Variants in BANP observed in about 807,000 individuals in gnomAD.
The protein encoded by BANP is protein BANP.
BANP carries 11 observed loss-of-function variants against 68.1 expected under a neutral mutation model. The ratio of observed to expected loss-of-function variants is 0.16; its 90% CI spans 0.10 to 0.27. The LOEUF is 0.27. Ranked by LOEUF, BANP falls within the 10% of genes least tolerant of loss-of-function variation. BANP has a pLI of 1.00. For synonymous variants in BANP, 329 were observed against 303.2 expected, an observed-to-expected ratio of 1.09 and a Z score of -0.88; for missense variants, 504 against 722.7, an observed-to-expected ratio of 0.70 and a Z score of 3.47.
upstream of BANP, among the ~76,000 whole-genome samples, chr16:87,950,261 AG>A (rs887661958): frequency 4.6e-5 from 7 of 152,294 alleles, no homozygotes; most frequent in African/African-American, 1.4e-4. Context: ...CAAATAATTG[AG>A]GAAACAGAGG....
intron 4 of BANP, among the ~76,000 whole-genome samples, chr16:87,985,502 TA>T (rs1567666243): frequency 6.6e-6 from 1 of 152,138 alleles, no homozygotes; most frequent in Non-Finnish European, 1.5e-5. Flanking sequence ...CCTTTTTTTT[TA>T]GGATAGTTTT....
At chr16:88,049,333 G>A (rs2082721669) in intron 11 of BANP, among the ~76,000 whole-genome samples, 1 of 152,134 alleles carries the variant, frequency 6.6e-6, no homozygotes, top group African/African-American at 2.4e-5. Flanking sequence ...TACTACATAG[G>A]CTACGGGTGT....
rs200180120 is a variant in BANP, at chr16:88,071,516, A to T, written c.1378-553A>T. The T allele has an allele frequency of 1.4e-4, 64 of 456,406 alleles. No individual in the cohort carries two copies. The highest frequency in any genetic ancestry group is 8.7e-4 in the Admixed American group (37 of 42,572). The allele number at this position is 456,406 out of a possible 1,614,324, so 28.3% of individuals were successfully genotyped here. ...CTGCCACCAGGACTCACTTCCGCCCATCTTGGAACTGGGCCTCACTTTCCT... is the reference window on the plus strand; with the variant it reads ...CTGCCACCAGGACTCACTTCCGCCCTTCTTGGAACTGGGCCTCACTTTCCT... On this transcript the variant is annotated intron_variant, in intron 12 of 13. Coordinates refer to ENST00000682872, the MANE Select transcript of BANP (RefSeq NM_001386991.1). The surrounding 1 kb of genome is among the most constrained non-coding windows in gnomAD (Gnocchi z 6.5).
At chr16:87,983,898 C>G (rs1181001154) in intron 3 of BANP, among the ~76,000 whole-genome samples, 162 bp from the exon 4 acceptor site, 3 of 152,136 alleles carry the variant, frequency 2.0e-5, no homozygotes, top group Non-Finnish European at 2.9e-5. Context: ...ACGTGTTACT[C>G]ACATGTTTCT....
chr16:87,968,730 C>T (rs1219098327), intron 1 of BANP, among the ~76,000 whole-genome samples: 1 of 152,072 alleles, frequency 6.6e-6, no homozygotes, highest in Non-Finnish European at 1.5e-5. Flanking sequence ...TGGAGCAGCT[C>T]CGAAGGCTGA....
chr16:88,045,689 C>T (rs1001449556), intron 11 of BANP, among the ~76,000 whole-genome samples: 1 of 151,316 alleles, frequency 6.6e-6, no homozygotes, highest in Non-Finnish European at 1.5e-5. Context: ...CTGACCACAG[C>T]ACCTTTCTTC....
At chr16:87,991,255 C>T (rs7500987) in intron 4 of BANP, among the ~76,000 whole-genome samples, 51,690 of 151,296 alleles carry the variant, frequency 0.34, 10,012 homozygotes, top group Non-Finnish European at 0.46. Context: ...CCTACAACTT[C>T]GGGAATTATT....
At chr16:87,984,411 T>G in intron 4 of BANP, 152 bp downstream of exon 4, 2 of 947,426 alleles carry the variant, frequency 2.1e-6, no homozygotes, top group Non-Finnish European at 3.1e-6. Context: ...AAGCTGACTT[T>G]TAGTTAGACC....
chr16:88,054,433 A>G (rs553164876), intron 11 of BANP, among the ~76,000 whole-genome samples: 1 of 151,808 alleles, frequency 6.6e-6, no homozygotes. Context: ...CACTACCACC[A>G]CCACCTCCAC....
At position 88,004,915 on chromosome 16, in the gene BANP, G is replaced by C. The variant is rs1473707801; in HGVS notation, c.479+504G>C. On this transcript the variant is annotated intron_variant, in intron 5 of 13. Transcript: ENST00000682872. The surrounding 1 kb of genome is among the most constrained non-coding windows in gnomAD (Gnocchi z 7.0). ...AAGACACCGTCCCCGCTCTGTGTGA[G>C]GGGAAGGCTGTGCAGTGGCCTCTGG... is the stretch of plus-strand genomic sequence containing the variant. Among the ~76,000 whole-genome samples the C allele has an allele frequency of 6.6e-6, 1 of 152,202 alleles. No individual in the cohort carries two copies. The highest frequency in any genetic ancestry group is 1.5e-5 in the Non-Finnish European group (1 of 68,034).
At position 88,071,682 on chromosome 16, in the gene BANP, G is replaced by A; in HGVS notation, c.1378-387G>A. ...GTCCTGGCTTGGATTTTAGGCCTCA[G>A]TGGCACTCTGGGAGCGCTTGTGCTC... On this transcript the variant is annotated intron_variant, in intron 12 of 13. Transcript: ENST00000682872. The surrounding 1 kb of genome is among the most constrained non-coding windows in gnomAD (Gnocchi z 6.5). 2.1e-6 allele frequency: 1 copy of A among 484,282 alleles called. No homozygotes were observed. Among genetic ancestry groups the A allele is most frequent in the Non-Finnish European group, 4.1e-6 (1 of 245,652 alleles). The allele number at this position is 484,282 out of a possible 1,614,324, so 30.0% of individuals were successfully genotyped here. A position where few individuals can be genotyped will look rare whatever the true frequency, so the allele number is the denominator to read the frequency against.
rs758061721 is a variant in BANP, at chr16:88,018,573, C to T, written c.801C>T (p.Leu267=). 35 of 1,610,156 alleles carry T rather than the reference C, an allele frequency of 2.2e-5. No individual in the cohort carries two copies. Among genetic ancestry groups the T allele is most frequent in the Non-Finnish European group, 5.1e-6 (6 of 1,178,368 alleles). The change falls in exon 7 of 14, where the codon CTC becomes CTT. Residue 267 remains leucine (L), a synonymous_variant. Transcript: ENST00000682872. This position sits in a 1 kb window ranked among gnomAD's most constrained non-coding sequence, Gnocchi z 7.7. ...TGGCGCTCACGCTGCTGGACTACCT[C>T]TTCCACCGCGAGGTGCAGGCTGTGT... ...EKMALTLLDY[L]FHREVQAVSN...
chr16:87,988,900 T>C (rs1377806854), intron 4 of BANP, among the ~76,000 whole-genome samples: 1 of 152,236 alleles, frequency 6.6e-6, no homozygotes, highest in Non-Finnish European at 1.5e-5. Flanking sequence ...GCCCCCTCTC[T>C]GTGTGTTGAA....
At chr16:88,060,274 G>A (rs1425239774) in intron 11 of BANP, among the ~76,000 whole-genome samples, 1 of 152,262 alleles carries the variant, frequency 6.6e-6, no homozygotes, top group Non-Finnish European at 1.5e-5. Context: ...CACCTGACGA[G>A]GGGTCTCTCT....
intron 13 of BANP, among the ~76,000 whole-genome samples, chr16:88,074,931 C>T (rs2091261652): frequency 6.6e-6 from 1 of 152,216 alleles, no homozygotes; most frequent in South Asian, 2.1e-4. Context: ...GGACCAGGTG[C>T]AGTGTTTCAT....
chr16:87,985,798 A>C (rs11117344), intron 4 of BANP, among the ~76,000 whole-genome samples: 1 of 152,010 alleles, frequency 6.6e-6, no homozygotes, highest in African/African-American at 2.4e-5. Flanking sequence ...AGCTGGTGAT[A>C]GAATATTACA....
At chr16:88,041,276 G>C (rs1224601675) in intron 11 of BANP, among the ~76,000 whole-genome samples, 1 of 152,326 alleles carries the variant, frequency 6.6e-6, no homozygotes, top group Middle Eastern at 3.4e-3. Context: ...GATTGCTGCC[G>C]GGGCGACGGG....
At position 88,025,710 on chromosome 16, in the gene BANP, A is replaced by G. The variant is rs111767457; in HGVS notation, c.896-1773A>G. 4.4e-3 allele frequency among the ~76,000 whole-genome samples: 668 copies of G among 152,314 alleles called. 5 individuals carry two copies. The highest frequency in any genetic ancestry group is 0.015 in the African/African-American group (603 of 41,558). The stretch of plus-strand genomic sequence containing the variant: ...ACTTTTGATACCTAATCGAGTACTT[A>G]AAAAAACCCAAACACTTCTTCCTCT... On this transcript the variant is annotated intron_variant, in intron 7 of 13. Transcript: ENST00000682872.
Position 88,072,206 on chromosome 16 carries a change from G to T in BANP, c.1515G>T (p.Gly505=). The T allele has an allele frequency of 6.2e-7, 1 of 1,609,662 alleles. No individual in the cohort carries two copies. ...CGCCAGTGAGTGACCACACGGCCGG[G>T]GCACAGGTGAGTCTGGGGCCCCGCG... The part of the protein sequence containing the change: ...QLAPVSDHTA[G]AQTAEALQPT... Residue 505 remains glycine, a synonymous_variant, in exon 13 of 14, where the codon GGG becomes GGT. Coordinates refer to ENST00000682872, the MANE Select transcript of BANP (RefSeq NM_001386991.1).
Sources: allele counts gnomAD v4.1 joint callset (sites outside exome capture counted in the v4.1 genomes callset), GRCh38; gene constraint gnomAD v4.1.1; non-coding constraint Gnocchi (gnomAD v3.1); transcripts MANE v1.5; gene names NCBI Gene and HGNC (gene_info 2026-07-23, HGNC 2026-07-21).